RGS3: variants seen among roughly 807,000 people sequenced by gnomAD.
The protein encoded by RGS3 is regulator of G-protein signalling 3.
A neutral mutation model predicts 132.6 loss-of-function variants in RGS3; 80 were observed. That is an observed-to-expected ratio of 0.60 (90% CI 0.50 to 0.73). The LOEUF is 0.73. RGS3 is among the 30% of genes least tolerant of loss of function. RGS3 has a pLI of 0.00. For missense variants in RGS3, 1,382 were observed against 1,530.8 expected, an observed-to-expected ratio of 0.90 and a Z score of 1.62; for synonymous variants, 598 against 620.6, an observed-to-expected ratio of 0.96 and a Z score of 0.54.
intron 3 of RGS3, among the ~76,000 whole-genome samples, chr9:113,472,420 A>G (rs1288909222): frequency 6.6e-6 from 1 of 152,240 alleles, no homozygotes; most frequent in Non-Finnish European, 1.5e-5. Context: ...ATATCCATAC[A>G]ATGGAATATT....
At chr9:113,495,251 C>T (rs1337503195) in intron 7 of RGS3, among the ~76,000 whole-genome samples, 1 of 152,242 alleles carries the variant, frequency 6.6e-6, no homozygotes, top group African/African-American at 2.4e-5. Context: ...CTGACCCTGG[C>T]CCATGCCTAC....
At chr9:113,461,458 A>G (rs1355992698) in intron 1 of RGS3, among the ~76,000 whole-genome samples, 1 of 152,112 alleles carries the variant, frequency 6.6e-6, no homozygotes, top group Non-Finnish European at 1.5e-5. Flanking sequence ...GGAAAGGGTG[A>G]CCGACCTGTC....
chr9:113,596,870 G>A, exon 25 of RGS3: 4 of 1,613,882 alleles, frequency 2.5e-6, no homozygotes, highest in African/African-American at 1.3e-5. Flanking sequence ...CGGGCTCATG[G>A]AAAAGGACTC....
intron 19 of RGS3, among the ~76,000 whole-genome samples, chr9:113,562,631 G>T (rs1344432737): frequency 6.6e-6 from 1 of 152,130 alleles, no homozygotes; most frequent in South Asian, 2.1e-4. Context: ...AGTGATTGGG[G>T]CCCAGTTCCT....
intron 19 of RGS3, among the ~76,000 whole-genome samples, chr9:113,573,546 A>G (rs1834379773): frequency 6.6e-6 from 1 of 152,212 alleles, no homozygotes; most frequent in African/African-American, 2.4e-5. Flanking sequence ...TCATGACTGC[A>G]GTGCTATTTG....
At chr9:113,488,203 G>A (rs560776949) in intron 7 of RGS3, among the ~76,000 whole-genome samples, 27 of 152,276 alleles carry the variant, frequency 1.8e-4, no homozygotes, top group South Asian at 6.2e-4. Flanking sequence ...GAGAAGTCAA[G>A]GGTAACTCCT....
chr9:113,581,300 G>A (rs1043035174), intron 19 of RGS3: 8 of 152,256 alleles, frequency 5.3e-5, no homozygotes, highest in Non-Finnish European at 1.0e-4. Flanking sequence ...TGGGCCCTCA[G>A]CCTTCCTGTC....
chr9:113,545,712 A>C (rs1036916843), intron 19 of RGS3, among the ~76,000 whole-genome samples: 11 of 152,182 alleles, frequency 7.2e-5, no homozygotes, highest in African/African-American at 2.7e-4. Context: ...TGATAACATA[A>C]GGTAACCTGG....
intron 15 of RGS3, among the ~76,000 whole-genome samples, chr9:113,515,482 T>G (rs576494005): frequency 1.3e-5 from 2 of 151,866 alleles, no homozygotes; most frequent in South Asian, 4.2e-4. Context: ...TACAAAAAAA[T>G]TAGCTGGGTG....
At chr9:113,557,749 C>A (rs1014814937) in intron 19 of RGS3, among the ~76,000 whole-genome samples, 2 of 152,042 alleles carry the variant, frequency 1.3e-5, no homozygotes, top group African/African-American at 2.4e-5. Context: ...CTAATGAGAG[C>A]GCCTACTGGG....
At chr9:113,500,913 CT>C (rs928112387) in intron 10 of RGS3, among the ~76,000 whole-genome samples, 4 of 152,148 alleles carry the variant, frequency 2.6e-5, no homozygotes, top group African/African-American at 9.7e-5. Flanking sequence ...TGGTCTTGAA[CT>C]CCTGACCCCA....
chr9:113,582,121 A>G lies in RGS3; in HGVS notation c.2038-1329A>G, dbSNP rs1486138379. ...GTGTGCAGCAGCCTGCAGCTGCCCC[A>G]AGCCATGGCTGAACACTGACTCCCA... On this transcript the variant is annotated intron_variant, in intron 19 of 24. Coordinates refer to ENST00000350696, the Ensembl canonical transcript of RGS3. 3 of 985,264 alleles carry G rather than the reference A, an allele frequency of 3.0e-6. No individual in the cohort carries two copies. The African/African-American group carries it at 5.2e-5, about 17-fold the overall frequency. The allele number at this position is 985,264 out of a possible 1,614,324, so 61.0% of individuals were successfully genotyped here. A position where few individuals can be genotyped will look rare whatever the true frequency, so the allele number is the denominator to read the frequency against.
intron 10 of RGS3, among the ~76,000 whole-genome samples, chr9:113,499,268 A>G (rs752014320): frequency 9.3e-5 from 14 of 151,280 alleles, no homozygotes; most frequent in Non-Finnish European, 1.8e-4. Context: ...ACTCCCAGCA[A>G]TTCATTAGCC....
At chr9:113,452,867 C>T (rs114643945) in intron 1 of RGS3, among the ~76,000 whole-genome samples, 112 of 133,860 alleles carry the variant, frequency 8.4e-4, no homozygotes, top group African/African-American at 3.0e-3. Flanking sequence ...TATTTTTCAC[C>T]TCTAGTTGTT....
At chr9:113,492,373 C>T (rs1830547774) in intron 7 of RGS3, among the ~76,000 whole-genome samples, 1 of 152,154 alleles carries the variant, frequency 6.6e-6, no homozygotes, top group Non-Finnish European at 1.5e-5. Flanking sequence ...CTCTTGTGTC[C>T]CCGAGCCTTC....
intron 19 of RGS3, among the ~76,000 whole-genome samples, chr9:113,576,116 C>T (rs1023287210): frequency 4.6e-5 from 7 of 151,764 alleles, no homozygotes; most frequent in Admixed American, 2.6e-4. Flanking sequence ...AGGAGAATGG[C>T]GTGAACCCGG....
intron 4 of RGS3, among the ~76,000 whole-genome samples, chr9:113,481,177 C>T (rs570991105): frequency 5.3e-5 from 8 of 152,292 alleles, no homozygotes; most frequent in African/African-American, 1.9e-4. Flanking sequence ...TATTATTTCC[C>T]CCTCCAGGAA....
intron 3 of RGS3, among the ~76,000 whole-genome samples, chr9:113,467,598 T>C (rs976467436): frequency 2.6e-5 from 4 of 152,234 alleles, no homozygotes; most frequent in Non-Finnish European, 5.9e-5. Flanking sequence ...TATTGAGTTG[T>C]AAGATTTCTT....
chr9:113,538,832 G>A (rs1475899320), intron 19 of RGS3, among the ~76,000 whole-genome samples: 1 of 152,216 alleles, frequency 6.6e-6, no homozygotes, highest in Non-Finnish European at 1.5e-5. Flanking sequence ...GACAGCCTCA[G>A]AATTACCTCC....
Sources: gnomAD v4.1 joint callset for allele counts (sites outside exome capture counted in the v4.1 genomes callset) on GRCh38, gnomAD v4.1.1 for gene constraint, MANE v1.5 for transcripts, NCBI Gene and HGNC (gene_info 2026-07-23, HGNC 2026-07-21) for gene names.